Variants in KCNT2 observed in about 807,000 individuals in gnomAD.
KCNT2 encodes potassium sodium-activated channel subfamily T member 2.
Under a neutral mutation model 153.8 loss-of-function variants are expected in KCNT2, and 67 were observed. That is an observed-to-expected ratio of 0.44 (90% CI 0.36 to 0.53). The LOEUF (loss-of-function observed/expected upper bound fraction) is 0.53. Among genes scored for constraint, KCNT2 ranks in the 20% least tolerant of loss-of-function variants. The pLI is 0.00. For synonymous variants in KCNT2, 500 were observed against 458.8 expected, an observed-to-expected ratio of 1.09 and a Z score of -1.15; for missense variants, 975 against 1,354.8, an observed-to-expected ratio of 0.72 and a Z score of 4.40.
Position 196,536,685 on chromosome 1 carries a change from G to C in KCNT2, c.96-44344C>G, listed in dbSNP as rs1313281237. 3.3e-5 allele frequency among the ~76,000 whole-genome samples: 5 copies of C among 152,114 alleles called. No individual in the cohort carries two copies. In the South Asian group the frequency reaches 1.0e-3, roughly 32 times the overall value. On this transcript the variant is annotated intron_variant, in intron 1 of 27. Transcript: ENST00000294725. ...GTGGATGTCTATGCCATTCCAGTCT[G>C]GGGGGTTGTTACCCATGAAAGCACC...
chr1:196,372,198 A>G (rs1668594850), intron 14 of KCNT2, among the ~76,000 whole-genome samples: 1 of 152,022 alleles, frequency 6.6e-6, no homozygotes, highest in Non-Finnish European at 1.5e-5. Context: ...GGCAGTCAGA[A>G]GTAAGACAGT....
chr1:196,604,515 T>C (rs937586980), intron 1 of KCNT2, among the ~76,000 whole-genome samples: 2 of 152,190 alleles, frequency 1.3e-5, no homozygotes, highest in Non-Finnish European at 2.9e-5. Context: ...TAAGCAATAT[T>C]CTCATTTAGC....
chr1:196,558,147 T>G (rs1329489783), intron 1 of KCNT2, among the ~76,000 whole-genome samples: 1 of 151,390 alleles, frequency 6.6e-6, no homozygotes, highest in African/African-American at 2.4e-5. Flanking sequence ...TTATTACTAA[T>G]TAGAAAATGA....
intron 1 of KCNT2, among the ~76,000 whole-genome samples, chr1:196,542,057 A>G (rs1656450566): frequency 6.6e-6 from 1 of 151,998 alleles, no homozygotes; most frequent in Admixed American, 6.5e-5. Context: ...ATTATTTAAG[A>G]GATTTAGATA....
Position 196,399,137 on chromosome 1 carries a change from T to C in KCNT2, c.1186-466A>G, listed in dbSNP as rs1671204025. ...TGTCTGTGTGTGTACCTGTGTGGTATGTTTGAAGACATAAAAAACTCTTAG... is the reference window on the plus strand; with the variant it reads ...TGTCTGTGTGTGTACCTGTGTGGTACGTTTGAAGACATAAAAAACTCTTAG... On this transcript the variant is annotated intron_variant, in intron 12 of 27. Coordinates refer to ENST00000294725, the MANE Select transcript of KCNT2 (RefSeq NM_198503.5). Among the ~76,000 whole-genome samples, 4 of 149,128 alleles carry C rather than the reference T, an allele frequency of 2.7e-5. No homozygotes were observed. The South Asian group carries it at 8.5e-4, about 32-fold the overall frequency.
intron 25 of KCNT2, among the ~76,000 whole-genome samples, chr1:196,278,788 G>A (rs1350579880): frequency 6.6e-6 from 1 of 152,142 alleles, no homozygotes; most frequent in Non-Finnish European, 1.5e-5. Flanking sequence ...CTTTGTACTT[G>A]CTATGGTCAA....
At chr1:196,256,370 G>A (rs1172093291) in intron 26 of KCNT2, among the ~76,000 whole-genome samples, 1 of 151,966 alleles carries the variant, frequency 6.6e-6, no homozygotes, top group Non-Finnish European at 1.5e-5. Flanking sequence ...CTTGTAAGCT[G>A]TGGTCCATGA....
chr1:196,299,871 T>C (rs1661017643), intron 22 of KCNT2, among the ~76,000 whole-genome samples: 1 of 152,184 alleles, frequency 6.6e-6, no homozygotes, highest in African/African-American at 2.4e-5. Flanking sequence ...AATAGATGAC[T>C]GGCTAAAGAA....
intron 1 of KCNT2, among the ~76,000 whole-genome samples, chr1:196,569,866 T>C (rs1660557306): frequency 6.6e-6 from 1 of 152,006 alleles, no homozygotes; most frequent in South Asian, 2.1e-4. Flanking sequence ...CTGCTAGAAA[T>C]TTCTATTAAA....
intron 27 of KCNT2, among the ~76,000 whole-genome samples, chr1:196,231,534 T>C (rs1653956212): frequency 6.6e-6 from 1 of 151,696 alleles, no homozygotes; most frequent in Non-Finnish European, 1.5e-5. Flanking sequence ...ATTCCAAACA[T>C]CATACAAAGT....
chr1:196,228,392 T>C, intron 27 of KCNT2, 57 bp from the exon 28 acceptor site: 2 of 837,680 alleles, frequency 2.4e-6, no homozygotes, highest in Non-Finnish European at 3.9e-6. Context: ...GCAACATTAA[T>C]TCACACTGAC....
chr1:196,334,483 C>CTTTTTTTTTT (rs757677685), intron 16 of KCNT2, among the ~76,000 whole-genome samples: 2 of 42,340 alleles, frequency 4.7e-5, no homozygotes, highest in African/African-American at 2.0e-4. Context: ...TTCTTTCTTT[C>CTTTTTTTTTT]TTTCTTTTTT....
rs753755572 is a variant in KCNT2, at chr1:196,423,107, A to G, written c.1128T>C (p.Asp376=). 5 of 1,598,668 alleles carry G rather than the reference A, an allele frequency of 3.1e-6. No individual in the cohort carries two copies. The South Asian group carries it at 3.4e-5, about 11-fold the overall frequency. Residue 376 remains aspartate (D), a synonymous_variant, in exon 12 of 28, where the codon GAT becomes GAC. Coordinates refer to ENST00000294725, the MANE Select transcript of KCNT2 (RefSeq NM_198503.5). ...KDQDLLRAKM[D]DAEACFILSS... ...TGAGAATAAAACAGGCCTCAGCGTC[A>G]TCCATCCTAAATACAGATGGAAAAA...
rs151073432 is a variant in KCNT2 at position 196,459,440 on chromosome 1, A to G, written c.638+5853T>C. ...AAGAAAGAAATAGAAAAAAAAAGTT[A>G]AACATCCTAAACAATAATGGGAAGA... is the stretch of plus-strand genomic sequence containing the variant. On this transcript the variant is annotated intron_variant, in intron 8 of 27. Coordinates refer to ENST00000294725, the MANE Select transcript of KCNT2 (RefSeq NM_198503.5). Among the ~76,000 whole-genome samples the G allele has an allele frequency of 1.9e-3, 289 of 151,942 alleles. 1 individual carries two copies. Among genetic ancestry groups the G allele is most frequent in the Non-Finnish European group, 2.4e-3 (162 of 67,864 alleles).
At chr1:196,558,842 A>T (rs1156422708) in intron 1 of KCNT2, among the ~76,000 whole-genome samples, 2 of 151,576 alleles carry the variant, frequency 1.3e-5, no homozygotes, top group Non-Finnish European at 3.0e-5. Context: ...AATTTTTATT[A>T]TGTATAAAAA....
At chr1:196,390,754 T>G (rs1253024356) in intron 13 of KCNT2, among the ~76,000 whole-genome samples, 1 of 151,362 alleles carries the variant, frequency 6.6e-6, no homozygotes, top group Non-Finnish European at 1.5e-5. Context: ...TGCATACACA[T>G]GTATTTGTGT....
chr1:196,510,313 A>G (rs994089741), intron 1 of KCNT2, among the ~76,000 whole-genome samples: 9 of 152,136 alleles, frequency 5.9e-5, no homozygotes, highest in Non-Finnish European at 1.3e-4. Context: ...ACATAGCCAT[A>G]ATCCCCACCT....
At chr1:196,584,890 T>TTTTG (rs778226385) in intron 1 of KCNT2, among the ~76,000 whole-genome samples, 3 of 151,926 alleles carry the variant, frequency 2.0e-5, no homozygotes, top group South Asian at 2.1e-4. Context: ...AAACAAAACA[T>TTTTG]TTTGTTTGTT....
Position 196,373,127 on chromosome 1 carries a change from A to G in KCNT2, c.1403+13T>C, listed in dbSNP as rs182147385. 2 of 1,255,176 alleles carry G rather than the reference A, an allele frequency of 1.6e-6. No homozygotes were observed. Among genetic ancestry groups the G allele is most frequent in the East Asian group, 4.7e-5 (2 of 42,924 alleles). 77.8% of individuals were successfully genotyped at this position (1,255,176 alleles called of 1,614,324 possible). A position where few individuals can be genotyped will look rare whatever the true frequency, so the allele number is the denominator to read the frequency against. On this transcript the variant is annotated intron_variant, in intron 14 of 27. Transcript: ENST00000294725. ...TAATTTAAAAGGTTAACTTAAAGAA[A>G]AAATATACTTACTGCCCTCTAGAGG...
Sources: allele counts gnomAD v4.1 joint callset (sites outside exome capture counted in the v4.1 genomes callset), GRCh38; gene constraint gnomAD v4.1.1; transcripts MANE v1.5; gene names NCBI Gene and HGNC (gene_info 2026-07-23, HGNC 2026-07-21).